The following TXNRD2 variants were observed in gnomAD, a reference collection of about 807,000 sequenced individuals.
TXNRD2 encodes thioredoxin reductase 2.
Under a neutral mutation model 70.8 loss-of-function variants are expected in TXNRD2, and 67 were observed. That is an observed-to-expected ratio of 0.95 (90% CI 0.78 to 1.16). The LOEUF is 1.16. Ranked by LOEUF, TXNRD2 falls within the 50% of genes most tolerant of loss-of-function variation. The probability of loss-of-function intolerance (pLI) is 0.00; values close to 1 mark genes in which losing one functional copy is unlikely to be tolerated. For synonymous variants in TXNRD2, 301 were observed against 295.8 expected (o/e 1.02, Z -0.18); for missense variants, 644 against 719.9 (o/e 0.89, Z 1.21).
rs185470276 is a variant in TXNRD2, at chr22:19,892,447, C to T, written c.949+2960G>A. On this transcript the variant is annotated intron_variant, in intron 11 of 17. Transcript: ENST00000400521. The stretch of plus-strand genomic sequence containing the variant: ...CTTCCACCCCCAGCATCAATCATGC[C>T]AGGCAGACTGTCTGGGGGATGCTCA... Among the ~76,000 whole-genome samples the T allele has an allele frequency of 9.2e-5, 14 of 152,382 alleles. No homozygotes were observed. In the East Asian group the frequency reaches 2.7e-3, roughly 29 times the overall value.
intron 10 of TXNRD2, 24 bp downstream of exon 10, chr22:19,898,015 G>A (rs371838802): frequency 1.5e-5 from 23 of 1,543,718 alleles, no homozygotes; most frequent in South Asian, 1.1e-4. Context: ...CCACAGGGGC[G>A]GGAGCTGGGG....
chr22:19,909,567 T>TACACACCATTCAC (rs1555911465), intron 8 of TXNRD2, among the ~76,000 whole-genome samples: 5 of 94,992 alleles, frequency 5.3e-5, no homozygotes, highest in Non-Finnish European at 8.3e-5. Flanking sequence ...ACTACTCACA[T>TACACACCATTCAC]ACACACACCA....
In TXNRD2 at chr22:19,915,213, C is replaced by T. The variant is rs200610775; in HGVS notation, c.591+1G>A. 27 of 1,613,658 alleles carry T rather than the reference C, an allele frequency of 1.7e-5. No individual in the cohort carries two copies. The highest frequency in any genetic ancestry group is 1.6e-4 in the Middle Eastern group (1 of 6,062). On this transcript the variant is annotated splice_donor_variant, in intron 7 of 17. Coordinates refer to ENST00000400521, the MANE Select transcript of TXNRD2 (RefSeq NM_006440.5). LOFTEE classifies it high-confidence loss of function. ...GGACGCTATGCTCTGGGGACACTCACGTGCGTGGGGTATCTCGGCCGCCCT... is the reference window on the plus strand; with the variant it reads ...GGACGCTATGCTCTGGGGACACTCATGTGCGTGGGGTATCTCGGCCGCCCT...
At chr22:19,907,591 G>A (rs867240103) in intron 8 of TXNRD2, among the ~76,000 whole-genome samples, 17 of 42,496 alleles carry the variant, frequency 4.0e-4, no homozygotes, top group African/African-American at 1.8e-3. Context: ...AGCAGTGACC[G>A]CTCTCAGGAG....
chr22:19,904,159 C>T (rs1601424297), intron 8 of TXNRD2, among the ~76,000 whole-genome samples: 2 of 152,140 alleles, frequency 1.3e-5, no homozygotes, highest in South Asian at 4.1e-4. Context: ...GCAGCCAGAA[C>T]GTCCCCCGCC....
At chr22:19,915,738 A>G (rs1310455246) in intron 6 of TXNRD2, 27 bp downstream of exon 6, 21 of 1,611,710 alleles carry the variant, frequency 1.3e-5, no homozygotes, top group Non-Finnish European at 1.8e-5. Context: ...GTCCACAAGG[A>G]GCCACGCGAG....
At chr22:19,878,822 G>C (rs1380727117) in intron 14 of TXNRD2, among the ~76,000 whole-genome samples, 3 of 152,238 alleles carry the variant, frequency 2.0e-5, no homozygotes, top group African/African-American at 7.2e-5. Flanking sequence ...GAGGCCACCT[G>C]GGCTCCCTCA....
chr22:19,909,186 A>G (rs976742504), intron 8 of TXNRD2, among the ~76,000 whole-genome samples: 2 of 150,816 alleles, frequency 1.3e-5, no homozygotes, highest in Admixed American at 6.6e-5. Flanking sequence ...AGCCTGGGCA[A>G]CAGAGTGAGA....
chr22:19,931,229 A>G (rs1056800078), intron 1 of TXNRD2, 131 bp from the exon 2 acceptor site: 6 of 816,046 alleles, frequency 7.4e-6, no homozygotes, highest in Non-Finnish European at 1.2e-5. Context: ...ACAGAGCAGA[A>G]AGAGTGACTC....
chr22:19,895,620 G>T (rs1236672617), intron 10 of TXNRD2, 39 bp from the exon 11 acceptor site: 2 of 1,602,704 alleles, frequency 1.2e-6, no homozygotes, highest in African/African-American at 2.7e-5. Flanking sequence ...AGACCAGGTG[G>T]CCGTGGGAGA....
chr22:19,916,243 T>C, intron 5 of TXNRD2: 1 of 274,860 alleles, frequency 3.6e-6, no homozygotes, highest in East Asian at 9.4e-5. Flanking sequence ...TTCAGGGGTG[T>C]GGTAACACCA....
chr22:19,925,049 C>T (rs910316571), intron 2 of TXNRD2, among the ~76,000 whole-genome samples: 19 of 151,286 alleles, frequency 1.3e-4, no homozygotes, highest in African/African-American at 3.2e-4. Context: ...CTTTGGGAGG[C>T]CAAGGGGGGC....
intron 8 of TXNRD2, among the ~76,000 whole-genome samples, chr22:19,900,913 C>A (rs1939747871): frequency 6.6e-6 from 1 of 152,246 alleles, no homozygotes; most frequent in Non-Finnish European, 1.5e-5. Context: ...GGGCTAGATG[C>A]TTCCTGCTGG....
At chr22:19,880,987 C>T in intron 12 of TXNRD2, 1 of 582,056 alleles carries the variant, frequency 1.7e-6, no homozygotes, top group South Asian at 2.2e-5. Flanking sequence ...GCCGTGCCAC[C>T]CTCACATGCT....
At position 19,880,877 on chromosome 22, in the gene TXNRD2, C is replaced by T. The variant is rs932316488; in HGVS notation, c.1087-160G>A. The T allele has an allele frequency of 2.5e-4, 153 of 624,344 alleles. 1 individual carries two copies. Among genetic ancestry groups the T allele is most frequent in the Non-Finnish European group, 3.7e-4 (128 of 348,912 alleles). 38.7% of individuals were successfully genotyped at this position (624,344 alleles called of 1,614,324 possible). A position where few individuals can be genotyped will look rare whatever the true frequency, so the allele number is the denominator to read the frequency against. On this transcript the variant is annotated intron_variant, in intron 12 of 17. Coordinates refer to ENST00000400521, the MANE Select transcript of TXNRD2 (RefSeq NM_006440.5). The stretch of plus-strand genomic sequence containing the variant: ...GTACAGCATTCCCCCTAGAGCTCGT[C>T]CTCCTGAGGGGCATCCCAAGGACCT...
At chr22:19,907,339 A>G (rs1199656174) in intron 8 of TXNRD2, among the ~76,000 whole-genome samples, 23 of 6,542 alleles carry the variant, frequency 3.5e-3, no homozygotes, top group East Asian at 5.1e-3. Context: ...TGGGCACCGT[A>G]AGTAGCAGTG....
intron 11 of TXNRD2, among the ~76,000 whole-genome samples, chr22:19,887,035 C>T (rs1939063949): frequency 6.6e-6 from 1 of 152,228 alleles, no homozygotes; most frequent in Admixed American, 6.5e-5. Flanking sequence ...CTCTGTCATG[C>T]TGCTTTAATT....
At chr22:19,922,695 CTCT>C (rs1940962028) in intron 2 of TXNRD2, among the ~76,000 whole-genome samples, 1 of 151,940 alleles carries the variant, frequency 6.6e-6, no homozygotes, top group African/African-American at 2.4e-5. Flanking sequence ...ATCTTTTTTT[CTCT>C]TTTTTTGAGA....
chr22:19,899,739 T>C (rs111386526), intron 8 of TXNRD2, among the ~76,000 whole-genome samples: 25 of 152,354 alleles, frequency 1.6e-4, no homozygotes, highest in African/African-American at 6.0e-4. Flanking sequence ...TGTGCACACA[T>C]GCCACACACC....
Sources: allele counts gnomAD v4.1 joint callset (sites outside exome capture counted in the v4.1 genomes callset), GRCh38; gene constraint gnomAD v4.1.1; transcripts MANE v1.5; gene names NCBI Gene and HGNC (gene_info 2026-07-23, HGNC 2026-07-21).